Variants in ESCO1 observed in about 807,000 individuals in gnomAD.
ESCO1 encodes N-acetyltransferase ESCO1.
ESCO1 carries 33 observed loss-of-function variants against 83.5 expected under a neutral mutation model. The observed-to-expected ratio is 0.40, with a 90% CI of 0.30 to 0.53. The LOEUF (loss-of-function observed/expected upper bound fraction) is 0.53. ESCO1 is among the 20% of genes least tolerant of loss of function. The probability of loss-of-function intolerance (pLI) is 0.63; values close to 1 mark genes in which losing one functional copy is unlikely to be tolerated. For missense variants in ESCO1, 855 were observed against 968.0 expected (o/e 0.88, Z 1.55); for synonymous variants, 332 against 324.3 (o/e 1.02, Z -0.25).
intron 8 of ESCO1, among the ~76,000 whole-genome samples, chr18:21,544,011 C>T (rs2037939347): frequency 6.6e-6 from 1 of 152,186 alleles, no homozygotes; most frequent in Admixed American, 6.6e-5. Flanking sequence ...CAGTGGCTCA[C>T]ACCTGCAATC....
rs774100819 is a variant in ESCO1 at position 21,536,201 on chromosome 18, C to A, written c.2044-16G>T. 3 of 1,602,846 alleles carry A rather than the reference C, an allele frequency of 1.9e-6. No homozygotes were observed. Among genetic ancestry groups the A allele is most frequent in the Non-Finnish European group, 2.6e-6 (3 of 1,176,456 alleles). Reference sequence around the variant, plus strand: ...TCTCGTCAACCTGCCAAATAAAGAACAGTAATTATTTTTAAATGAAAATAT... The same window carrying A: ...TCTCGTCAACCTGCCAAATAAAGAAAAGTAATTATTTTTAAATGAAAATAT... On this transcript the variant is annotated splice_polypyrimidine_tract_variant and intron_variant, in intron 9 of 11. Transcript: ENST00000269214.
chr18:21,541,044 G>A (rs1209338198), intron 8 of ESCO1, among the ~76,000 whole-genome samples: 2 of 152,040 alleles, frequency 1.3e-5, no homozygotes, highest in Non-Finnish European at 2.9e-5. Flanking sequence ...ATTTTTTGGA[G>A]GGGGAAGGTA....
rs1328367251 is a variant in ESCO1 at position 21,575,138 on chromosome 18, AAG to A, written c.-297_-296del. 5.4e-6 allele frequency: 2 copies of A among 370,016 alleles called. No individual in the cohort carries two copies. The highest frequency in any genetic ancestry group is 4.5e-5 in the Admixed American group (1 of 22,348). The allele number at this position is 370,016 out of a possible 1,614,324, so 22.9% of individuals were successfully genotyped here. Reference sequence around the variant, plus strand: ...TATTTTTAATAAGTTTTTTTATCAAAAGAAATTTAATTCAGGTTCAATCTGTT... The same window carrying A: ...TATTTTTAATAAGTTTTTTTATCAAAAAATTTAATTCAGGTTCAATCTGTT... On this transcript the variant is annotated 5_prime_UTR_variant, in exon 4 of 12. Transcript: ENST00000269214.
chr18:21,537,325 TAGAGG>T (rs1387634345), intron 9 of ESCO1, among the ~76,000 whole-genome samples: 4 of 152,022 alleles, frequency 2.6e-5, no homozygotes, highest in Non-Finnish European at 5.9e-5. Flanking sequence ...AGGCTGAGGC[TAGAGG>T]AGTTCAAGGC....
At chr18:21,532,156 T>C (rs2037775125) in intron 11 of ESCO1, among the ~76,000 whole-genome samples, 2 of 152,162 alleles carry the variant, frequency 1.3e-5, no homozygotes, top group Non-Finnish European at 2.9e-5. Flanking sequence ...CACATTTCTT[T>C]GGTTATATTT....
At chr18:21,545,334 G>C (rs1426063435) in intron 8 of ESCO1, among the ~76,000 whole-genome samples, 1 of 152,186 alleles carries the variant, frequency 6.6e-6, no homozygotes, top group East Asian at 1.9e-4. Flanking sequence ...AGCACTTTGG[G>C]AGGCCAAGGT....
chr18:21,538,414 A>T (rs2037863661), intron 9 of ESCO1, among the ~76,000 whole-genome samples: 1 of 152,164 alleles, frequency 6.6e-6, no homozygotes, highest in Admixed American at 6.6e-5. Context: ...ATTCAACAAG[A>T]ATTTACTATT....
intron 2 of ESCO1, among the ~76,000 whole-genome samples, chr18:21,579,802 A>G (rs1234122766): frequency 0.1 from 6,010 of 58,222 alleles, 489 homozygotes; most frequent in African/African-American, 0.21. Flanking sequence ...GCGCACACAC[A>G]CACACACACA....
At chr18:21,588,557 G>A (rs879433696) in intron 1 of ESCO1, among the ~76,000 whole-genome samples, 12 of 152,056 alleles carry the variant, frequency 7.9e-5, no homozygotes, top group Non-Finnish European at 1.5e-4. Flanking sequence ...AACTTACAAA[G>A]GATTGGTATG....
chr18:21,577,267 G>A (rs2038430865), intron 2 of ESCO1, among the ~76,000 whole-genome samples: 1 of 145,922 alleles, frequency 6.9e-6, no homozygotes, highest in Non-Finnish European at 1.5e-5. Flanking sequence ...TGAGGCAGGA[G>A]AATCACTTGA....
At chr18:21,583,563 G>A (rs1253683685) in intron 2 of ESCO1, among the ~76,000 whole-genome samples, 1 of 151,760 alleles carries the variant, frequency 6.6e-6, no homozygotes, top group African/African-American at 2.4e-5. Flanking sequence ...AGAACCGCTT[G>A]AACCCAGGAG....
At chr18:21,584,613 G>C (rs2038548210) in intron 1 of ESCO1, among the ~76,000 whole-genome samples, 173 bp from the exon 2 acceptor site, 1 of 152,032 alleles carries the variant, frequency 6.6e-6, no homozygotes, top group South Asian at 2.1e-4. Flanking sequence ...TTGAGCCCAG[G>C]AGTTTGAGAC....
At chr18:21,551,765 G>A (rs959198134) in intron 8 of ESCO1, among the ~76,000 whole-genome samples, 2 of 152,158 alleles carry the variant, frequency 1.3e-5, no homozygotes, top group South Asian at 4.1e-4. Flanking sequence ...AGTGTCGTGT[G>A]GAGCTTAGAT....
Position 21,566,188 on chromosome 18 carries a change from T to C in ESCO1, c.1664A>G (p.His555Arg), listed in dbSNP as rs1210325337. ...NKFPGSAPQQ[H>R]SILSNQTSKS... ...AGATGTCTGGTTACTGAGAATACTA[T>C]GCTGTTGGGGAGCTGAACCTGTAAT... Residue 555 changes from histidine to arginine, a missense_variant, in exon 6 of 12, where the codon CAT (histidine) becomes CGT (arginine). This residue lies in a region of ESCO1 where 726 missense variants were observed against 699.5 expected (regional missense o/e 1.04). Transcript: ENST00000269214. 1.9e-6 allele frequency: 3 copies of C among 1,613,314 alleles called. No homozygotes were observed. Among genetic ancestry groups the C allele is most frequent in the Non-Finnish European group, 1.7e-6 (2 of 1,179,664 alleles).
intron 2 of ESCO1, among the ~76,000 whole-genome samples, chr18:21,577,666 A>G (rs1466602445): frequency 6.6e-6 from 1 of 151,820 alleles, no homozygotes; most frequent in Non-Finnish European, 1.5e-5. Flanking sequence ...TCTCAAAAAA[A>G]AAAAAAAAAA....
intron 1 of ESCO1, among the ~76,000 whole-genome samples, chr18:21,598,341 T>C (rs1394684443): frequency 1.3e-5 from 2 of 152,194 alleles, no homozygotes; most frequent in Admixed American, 6.5e-5. Flanking sequence ...GGGTACTTTT[T>C]TAGTTATTCT....
At chr18:21,536,759 G>A (rs2037843387) in intron 9 of ESCO1, among the ~76,000 whole-genome samples, 2 of 152,052 alleles carry the variant, frequency 1.3e-5, no homozygotes, top group South Asian at 2.1e-4. Flanking sequence ...TAGATTATTA[G>A]GAACATTAAG....
intron 1 of ESCO1, among the ~76,000 whole-genome samples, chr18:21,594,802 T>C (rs1673237172): frequency 1.3e-5 from 2 of 152,176 alleles, no homozygotes; most frequent in South Asian, 2.1e-4. Flanking sequence ...CAAACACTAG[T>C]TGAACAAAAC....
intron 8 of ESCO1, among the ~76,000 whole-genome samples, chr18:21,553,228 T>C (rs1418376845): frequency 6.9e-6 from 1 of 145,166 alleles, no homozygotes; most frequent in Non-Finnish European, 1.5e-5. Context: ...AGGTCAAGGA[T>C]AGAGTGAGCA....
Sources: allele counts gnomAD v4.1 joint callset (sites outside exome capture counted in the v4.1 genomes callset), GRCh38; gene constraint gnomAD v4.1.1; regional missense constraint gnomAD v4.1.1; transcripts MANE v1.5; gene names NCBI Gene and HGNC (gene_info 2026-07-23, HGNC 2026-07-21).